VPS37C: variants seen among roughly 807,000 people sequenced by gnomAD.
VPS37C encodes VPS37C subunit of ESCRT-I, also known as vacuolar protein sorting-associated protein 37C.
A neutral mutation model predicts 16.1 loss-of-function variants in VPS37C; 9 were observed. That is an observed-to-expected ratio of 0.56 (90% CI 0.34 to 0.97). VPS37C has a LOEUF of 0.97. Ranked by LOEUF, VPS37C falls within the 50% of genes least tolerant of loss-of-function variation. The pLI is 0.02. For synonymous variants in VPS37C, 207 were observed against 206.4 expected (o/e 1.00, Z -0.02); for missense variants, 479 against 472.7 (o/e 1.01, Z -0.12).
Position 61,131,751 on chromosome 11 carries a change from C to T in VPS37C, c.*69G>A, listed in dbSNP as rs1170719083. 4.9e-6 allele frequency: 6 copies of T among 1,235,324 alleles called. No individual in the cohort carries two copies. Among genetic ancestry groups the T allele is most frequent in the African/African-American group, 1.6e-5 (1 of 64,498 alleles). The allele number at this position is 1,235,324 out of a possible 1,614,324, so 76.5% of individuals were successfully genotyped here. On this transcript the variant is annotated 3_prime_UTR_variant, in exon 5 of 5. Transcript: ENST00000301765. The stretch of plus-strand genomic sequence containing the variant: ...CGCCACTTCCAGTTGACCCTCGAAT[C>T]TCGGCGATGGCTGGGCCAAAGGTTG...
Position 61,134,203 on chromosome 11 carries a change from TG to T in VPS37C, c.97del (p.Gln33ArgfsTer69), listed in dbSNP as rs1175343503. 1.2e-6 allele frequency: 2 copies of T among 1,611,342 alleles called. No individual in the cohort carries two copies. The highest frequency in any genetic ancestry group is 4.5e-5 in the East Asian group (2 of 44,770). ...CATCTCCCGTTCCAGCTGTAGGTCC[TG>T]GACCTAAAAGGGCAGGACAACAGAA... ...DQLALESPEVQDLQLEREMAL... is the reference protein window; with the variant it reads ...DQLALESPEVXDLQLEREMAL... On this transcript the variant is annotated frameshift_variant, in exon 3 of 5. Transcript: ENST00000301765. LOFTEE classifies it high-confidence loss of function.
At chr11:61,151,423 C>T (rs1189380938) in intron 1 of VPS37C, among the ~76,000 whole-genome samples, 1 of 152,190 alleles carries the variant, frequency 6.6e-6, no homozygotes, top group African/African-American at 2.4e-5. Context: ...GCAGGGGAGA[C>T]CCAGGGATTA....
chr11:61,140,402 C>T (rs1259502374), intron 1 of VPS37C, among the ~76,000 whole-genome samples: 2 of 151,172 alleles, frequency 1.3e-5, no homozygotes, highest in African/African-American at 4.9e-5. Flanking sequence ...CTCAAGGGTG[C>T]CCTGGTTTAA....
At chr11:61,154,464 G>C (rs975022262) in intron 1 of VPS37C, among the ~76,000 whole-genome samples, 1 of 152,098 alleles carries the variant, frequency 6.6e-6, no homozygotes, top group Non-Finnish European at 1.5e-5. Flanking sequence ...CAGCAGATTA[G>C]ACAATGCAGA....
At chr11:61,140,235 C>A (rs1317966642) in intron 1 of VPS37C, among the ~76,000 whole-genome samples, 1 of 152,126 alleles carries the variant, frequency 6.6e-6, no homozygotes, top group Non-Finnish European at 1.5e-5. Flanking sequence ...TGGTCAGATG[C>A]ACCCTTCTCC....
At chr11:61,145,922 G>A (rs1853199473) in intron 1 of VPS37C, among the ~76,000 whole-genome samples, 1 of 152,198 alleles carries the variant, frequency 6.6e-6, no homozygotes, top group South Asian at 2.1e-4. Flanking sequence ...AAGATGCCCG[G>A]GAGGATGCAG....
chr11:61,133,982 G>T (rs548307574), intron 3 of VPS37C, 54 bp downstream of exon 3: 2 of 1,559,798 alleles, frequency 1.3e-6, no homozygotes, highest in East Asian at 2.3e-5. Context: ...GAACACGGTG[G>T]GCCTCCGTCC....
intron 1 of VPS37C, among the ~76,000 whole-genome samples, chr11:61,159,978 C>T (rs1181614300): frequency 3.4e-5 from 5 of 146,904 alleles, no homozygotes; most frequent in Admixed American, 6.8e-5. Flanking sequence ...GGTTATCTAA[C>T]ATCTCCGCAA....
intron 1 of VPS37C, among the ~76,000 whole-genome samples, chr11:61,151,427 G>C (rs536178995): frequency 6.6e-6 from 1 of 152,210 alleles, no homozygotes; most frequent in South Asian, 2.1e-4. Flanking sequence ...GGGAGACCCA[G>C]GGATTAAAGG....
chr11:61,138,641 G>T, intron 2 of VPS37C, 96 bp downstream of exon 2: 3 of 1,145,388 alleles, frequency 2.6e-6, no homozygotes, highest in Non-Finnish European at 3.9e-6. Context: ...AGATGAATTT[G>T]GCCAAAACTT....
intron 3 of VPS37C, 72 bp from the exon 4 acceptor site, chr11:61,133,409 C>T: frequency 1.4e-6 from 2 of 1,477,304 alleles, no homozygotes; most frequent in Non-Finnish European, 1.9e-6. Context: ...ACTTTGCATA[C>T]CCTCTGTGTG....
intron 1 of VPS37C, among the ~76,000 whole-genome samples, chr11:61,156,619 T>C (rs1401800929): frequency 6.6e-6 from 1 of 152,088 alleles, no homozygotes; most frequent in Non-Finnish European, 1.5e-5. Context: ...CACCCATCTA[T>C]ATGCTGCCTA....
intron 1 of VPS37C, among the ~76,000 whole-genome samples, chr11:61,148,692 GGCGTTTTTAGTTTTCATTTTTTT>G (rs1853253174): frequency 6.6e-6 from 1 of 152,108 alleles, no homozygotes; most frequent in Non-Finnish European, 1.5e-5. Context: ...TGGAGAGGAA[GGCGTTTTTAGTTTTCATTTTTTT>G]GCGTTTTTAG....
At chr11:61,137,910 T>G (rs1022830159) in intron 2 of VPS37C, among the ~76,000 whole-genome samples, 1 of 152,114 alleles carries the variant, frequency 6.6e-6, no homozygotes, top group Non-Finnish European at 1.5e-5. Flanking sequence ...CCCCATGGCA[T>G]GGAAGCACGG....
At chr11:61,155,152 A>G (rs1853359527) in intron 1 of VPS37C, among the ~76,000 whole-genome samples, 1 of 150,214 alleles carries the variant, frequency 6.7e-6, no homozygotes, top group Admixed American at 6.7e-5. Context: ...AAGCAGTTAT[A>G]AGGAGAAAAG....
At chr11:61,156,008 T>C (rs954875221) in intron 1 of VPS37C, among the ~76,000 whole-genome samples, 4 of 152,146 alleles carry the variant, frequency 2.6e-5, no homozygotes, top group African/African-American at 9.7e-5. Flanking sequence ...TGGTATAATA[T>C]CGCTTGAAGA....
At position 61,130,612 on chromosome 11, in the gene VPS37C, C is replaced by T; in HGVS notation, c.*1208G>A. On this transcript the variant is annotated 3_prime_UTR_variant, in exon 5 of 5. Transcript: ENST00000301765. ...GAGACCTGGTTTACCTCTGGAACAACCAAGTTAACACTCATCACACCCCCT... is the reference window on the plus strand; with the variant it reads ...GAGACCTGGTTTACCTCTGGAACAATCAAGTTAACACTCATCACACCCCCT... The T allele has an allele frequency of 3.6e-6, 1 of 274,372 alleles. No individual in the cohort carries two copies. The highest frequency in any genetic ancestry group is 1.7e-4 in the East Asian group (1 of 5,872). The allele number at this position is 274,372 out of a possible 1,614,324, so 17.0% of individuals were successfully genotyped here.
chr11:61,160,703 C>T (rs528326226), intron 1 of VPS37C, among the ~76,000 whole-genome samples: 6 of 152,354 alleles, frequency 3.9e-5, no homozygotes, highest in African/African-American at 1.4e-4. Context: ...CAGTTAACTC[C>T]TTCTCCCATC....
rs1326082733 is a variant in VPS37C, at chr11:61,138,813, T to C, written c.17A>G (p.Asp6Gly). Residue 6 changes from aspartate to glycine, a missense_variant, in exon 2 of 5, where the codon GAT becomes GGT. Coordinates refer to ENST00000301765, the MANE Select transcript of VPS37C (RefSeq NM_017966.5). Reference sequence around the variant, plus strand: ...CTCCTCCAGCTCCTGCAGGGTCTTATCCTTCAGCGTCTCCATCCTTCCCTG... The same window carrying C: ...CTCCTCCAGCTCCTGCAGGGTCTTACCCTTCAGCGTCTCCATCCTTCCCTG... METLK[D>G]KTLQELEELQ... The C allele has an allele frequency of 9.9e-6, 16 of 1,614,004 alleles. No homozygotes were observed. Among genetic ancestry groups the C allele is most frequent in the Admixed American group, 6.7e-5 (4 of 59,988 alleles).
Sources: allele counts gnomAD v4.1 joint callset (sites outside exome capture counted in the v4.1 genomes callset), GRCh38; gene constraint gnomAD v4.1.1; transcripts MANE v1.5; gene names NCBI Gene and HGNC (gene_info 2026-07-23, HGNC 2026-07-21).